The following MICU1 variants were observed in gnomAD, a reference collection of about 807,000 sequenced individuals.
The protein encoded by MICU1 is calcium uptake protein 1, mitochondrial.
A neutral mutation model predicts 56.8 loss-of-function variants in MICU1; 45 were observed. The observed-to-expected ratio is 0.79, with a 90% CI of 0.62 to 1.02. The LOEUF is 1.02. MICU1 is among the 50% of genes least tolerant of loss of function. The pLI is 0.00. For missense variants in MICU1, 504 were observed against 587.1 expected, an observed-to-expected ratio of 0.86 and a Z score of 1.46; for synonymous variants, 186 against 195.1, an observed-to-expected ratio of 0.95 and a Z score of 0.39.
At chr10:72,402,764 C>G (rs956153782) in intron 10 of MICU1, among the ~76,000 whole-genome samples, 1 of 152,108 alleles carries the variant, frequency 6.6e-6, no homozygotes, top group Non-Finnish European at 1.5e-5. Flanking sequence ...GGAAGTTCGG[C>G]TGGGCGGCAT....
intron 10 of MICU1, among the ~76,000 whole-genome samples, chr10:72,388,335 G>C (rs1862960126): frequency 6.6e-6 from 1 of 152,166 alleles, no homozygotes. Flanking sequence ...TCCCTTAAAA[G>C]GATATCAACT....
intron 8 of MICU1, among the ~76,000 whole-genome samples, chr10:72,464,295 CAAAAAAAA>C (rs58499998): frequency 8.0e-5 from 8 of 100,016 alleles, no homozygotes; most frequent in Middle Eastern, 5.3e-3. Flanking sequence ...GATTCTGTCT[CAAAAAAAA>C]AAAAAAAAAA....
At chr10:72,604,845 C>T (rs1425623681) in intron 1 of MICU1, among the ~76,000 whole-genome samples, 2 of 152,150 alleles carry the variant, frequency 1.3e-5, no homozygotes, top group African/African-American at 4.8e-5. Context: ...GATACCAGAT[C>T]GTAACCAGCT....
intron 8 of MICU1, among the ~76,000 whole-genome samples, chr10:72,430,941 A>G (rs1864505565): frequency 6.6e-6 from 1 of 152,164 alleles, no homozygotes; most frequent in Non-Finnish European, 1.5e-5. Flanking sequence ...TAACTTTATA[A>G]AATGGTATCA....
At chr10:72,420,539 C>G (rs1330798176) in intron 9 of MICU1, among the ~76,000 whole-genome samples, 1 of 152,064 alleles carries the variant, frequency 6.6e-6, no homozygotes, top group Non-Finnish European at 1.5e-5. Flanking sequence ...ATTTTTAGTG[C>G]CAGGTTAGAT....
At chr10:72,515,112 G>T (rs188213009) in intron 5 of MICU1, among the ~76,000 whole-genome samples, 2 of 152,186 alleles carry the variant, frequency 1.3e-5, no homozygotes, top group Non-Finnish European at 2.9e-5. Flanking sequence ...CACATTGCTC[G>T]TTCTGACACA....
At chr10:72,561,225 T>C (rs142097739) in intron 3 of MICU1, among the ~76,000 whole-genome samples, 258 of 152,368 alleles carry the variant, frequency 1.7e-3, no homozygotes, top group African/African-American at 5.6e-3. Flanking sequence ...GTATGAGATA[T>C]GCTCATCTGC....
chr10:72,477,952 T>C (rs2132274346), intron 6 of MICU1, among the ~76,000 whole-genome samples: 1 of 151,016 alleles, frequency 6.6e-6, no homozygotes, highest in South Asian at 2.1e-4. Flanking sequence ...CACTGCAACC[T>C]CCGCCTCCAG....
At chr10:72,509,538 A>C (rs1407133512) in intron 5 of MICU1, 6 of 627,694 alleles carry the variant, frequency 9.6e-6, no homozygotes, top group Non-Finnish European at 1.5e-5. Flanking sequence ...AGCCTCTACT[A>C]GATATTTACT....
At chr10:72,371,471 G>C (rs144527417) in intron 11 of MICU1, among the ~76,000 whole-genome samples, 1 of 144,130 alleles carries the variant, frequency 6.9e-6, no homozygotes, top group Non-Finnish European at 1.5e-5. Context: ...GGCCAGGCAC[G>C]GTGCCTCACG....
At chr10:72,597,271 T>C (rs570848254) in intron 1 of MICU1, among the ~76,000 whole-genome samples, 1 of 152,276 alleles carries the variant, frequency 6.6e-6, no homozygotes, top group African/African-American at 2.4e-5. Context: ...CAGTACGAAA[T>C]AGGTAAAAAT....
At chr10:72,464,001 G>A (rs1235457556) in intron 8 of MICU1, among the ~76,000 whole-genome samples, 1 of 151,934 alleles carries the variant, frequency 6.6e-6, no homozygotes, top group Admixed American at 6.6e-5. Context: ...GCCTTGTTTT[G>A]TAAAGAATTG....
chr10:72,585,171 T>G (rs1450104783), intron 1 of MICU1, among the ~76,000 whole-genome samples: 1 of 149,800 alleles, frequency 6.7e-6, no homozygotes, highest in African/African-American at 2.5e-5. Flanking sequence ...CACTGCAACC[T>G]CCACCTCCCG....
intron 5 of MICU1, among the ~76,000 whole-genome samples, chr10:72,520,167 T>A (rs1321021834): frequency 6.6e-6 from 1 of 152,102 alleles, no homozygotes; most frequent in Non-Finnish European, 1.5e-5. Flanking sequence ...TATCTAAGGT[T>A]GGGGTCAAGG....
At position 72,544,165 on chromosome 10, in the gene MICU1, C is replaced by T. The variant is rs184140860; in HGVS notation, c.493+7014G>A. ...TACCGGTGCATGCAGCCCCCAGTCA[C>T]GTACCCGCTGCTTGCTCAATTGATC... On this transcript the variant is annotated intron_variant, in intron 4 of 11. Transcript: ENST00000361114. 1.6e-3 allele frequency among the ~76,000 whole-genome samples: 245 copies of T among 151,964 alleles called. 1 individual carries two copies. Among genetic ancestry groups the T allele is most frequent in the Non-Finnish European group, 2.5e-3 (167 of 67,924 alleles).
chr10:72,465,677 C>T lies in MICU1; in HGVS notation c.933+9423G>A, dbSNP rs558568266. Among the ~76,000 whole-genome samples, 15 of 151,964 alleles carry T rather than the reference C, an allele frequency of 9.9e-5. No homozygotes were observed. The East Asian group carries it at 2.7e-3, about 28-fold the overall frequency. ...TACAGGTACCTGCCACCACACCTGG[C>T]TAATTTTTGTATTCTTAGTAAAGAC... On this transcript the variant is annotated intron_variant, in intron 8 of 11. Transcript: ENST00000361114.
intron 1 of MICU1, among the ~76,000 whole-genome samples, chr10:72,588,987 C>T (rs1318850471): frequency 1.3e-5 from 2 of 152,110 alleles, no homozygotes; most frequent in East Asian, 3.9e-4. Flanking sequence ...AAAACAATAA[C>T]CTGTTACAGG....
At chr10:72,614,835 C>T (rs1841938887) in intron 1 of MICU1, among the ~76,000 whole-genome samples, 1 of 152,084 alleles carries the variant, frequency 6.6e-6, no homozygotes, top group Non-Finnish European at 1.5e-5. Context: ...GAAATGAATG[C>T]TAGTGATGGT....
chr10:72,509,257 G>T, intron 5 of MICU1: 1 of 583,754 alleles, frequency 1.7e-6, no homozygotes, highest in Non-Finnish European at 2.7e-6. Flanking sequence ...AACCAATAAA[G>T]CACAATCAAA....
Sources: allele counts gnomAD v4.1 joint callset (sites outside exome capture counted in the v4.1 genomes callset), GRCh38; gene constraint gnomAD v4.1.1; transcripts MANE v1.5; gene names NCBI Gene and HGNC (gene_info 2026-07-23, HGNC 2026-07-21).